DCC: variants seen among roughly 807,000 people sequenced by gnomAD.
DCC encodes the protein DCC netrin 1 receptor, also known as netrin receptor DCC.
Under a neutral mutation model 172.5 loss-of-function variants are expected in DCC, and 58 were observed. The observed-to-expected ratio is 0.34, with a 90% CI of 0.27 to 0.42. The LOEUF (loss-of-function observed/expected upper bound fraction) is 0.42, where lower values mean the gene tolerates loss of function less well. DCC is among the 10% of genes least tolerant of loss of function. The probability of loss-of-function intolerance (pLI) is 1.00; values close to 1 mark genes in which losing one functional copy is unlikely to be tolerated. For missense variants in DCC, 1,740 were observed against 1,791.0 expected, an observed-to-expected ratio of 0.97 and a Z score of 0.51; for synonymous variants, 709 against 644.5, an observed-to-expected ratio of 1.10 and a Z score of -1.52.
At chr18:52,617,799 G>A (rs948451892) in intron 1 of DCC, among the ~76,000 whole-genome samples, 1 of 152,022 alleles carries the variant, frequency 6.6e-6, no homozygotes, top group Non-Finnish European at 1.5e-5. Flanking sequence ...TAGTTTATCA[G>A]TGAAGCATGA....
intron 12 of DCC, among the ~76,000 whole-genome samples, chr18:53,248,223 C>G (rs937257827): frequency 1.3e-5 from 2 of 152,000 alleles, no homozygotes; most frequent in Non-Finnish European, 2.9e-5. Flanking sequence ...TCCCCCATCT[C>G]TTTATGTATA....
chr18:53,356,813 G>A (rs1313742187), intron 15 of DCC, among the ~76,000 whole-genome samples: 6 of 152,180 alleles, frequency 3.9e-5, no homozygotes, highest in Non-Finnish European at 1.5e-5. Context: ...GCTGCTTTAA[G>A]TCACATCAGA....
intron 11 of DCC, among the ~76,000 whole-genome samples, chr18:53,210,706 A>G (rs1468342692): frequency 6.6e-6 from 1 of 152,182 alleles, no homozygotes; most frequent in Non-Finnish European, 1.5e-5. Context: ...TCATATCAGG[A>G]GTCTTACCAT....
chr18:53,145,744 G>C (rs1323534715), intron 7 of DCC, among the ~76,000 whole-genome samples: 1 of 152,098 alleles, frequency 6.6e-6, no homozygotes, highest in Non-Finnish European at 1.5e-5. Context: ...TTTTCAACTA[G>C]AAAACAAGGG....
intron 12 of DCC, among the ~76,000 whole-genome samples, chr18:53,283,868 AAGAC>A (rs2056902828): frequency 6.6e-6 from 1 of 151,490 alleles, no homozygotes; most frequent in Admixed American, 6.6e-5. Context: ...TGCTTCATAA[AAGAC>A]AGCAGCAAAG....
At chr18:52,479,570 A>T (rs1430366454) in intron 1 of DCC, among the ~76,000 whole-genome samples, 5 of 66,178 alleles carry the variant, frequency 7.6e-5, no homozygotes, top group East Asian at 5.3e-4. Flanking sequence ...CTCACTCCCT[A>T]CCTCCCTCCA....
At chr18:53,272,795 G>A (rs2056763372) in intron 12 of DCC, among the ~76,000 whole-genome samples, 1 of 152,062 alleles carries the variant, frequency 6.6e-6, no homozygotes, top group African/African-American at 2.4e-5. Context: ...TTTTTCCTTA[G>A]AAAACAAGCT....
chr18:52,945,508 C>T (rs755599105), intron 5 of DCC, among the ~76,000 whole-genome samples: 5 of 152,196 alleles, frequency 3.3e-5, no homozygotes, highest in Admixed American at 6.5e-5. Context: ...GGGCATTAGA[C>T]ATTTTCATTA....
At chr18:52,930,008 C>G (rs895312579) in intron 5 of DCC, among the ~76,000 whole-genome samples, 5 of 152,040 alleles carry the variant, frequency 3.3e-5, no homozygotes, top group African/African-American at 1.2e-4. Flanking sequence ...CTTTTTGAGA[C>G]AGGGTCTTGC....
In DCC at chr18:53,203,201, T is replaced by TTGTGTGTG. The variant is rs66474118; in HGVS notation, c.1574-1988_1574-1981dup. ...TTATTCTGATGATATATAGATTCTCTTGTGTGTGTGTGTGTGTGTGTGTGT... is the reference window on the plus strand; with the variant it reads ...TTATTCTGATGATATATAGATTCTCTTGTGTGTGTGTGTGTGTGTGTGTGTGTGTGTGT... On this transcript the variant is annotated intron_variant, in intron 9 of 28. Transcript: ENST00000442544. 3.2e-3 allele frequency among the ~76,000 whole-genome samples: 405 copies of TTGTGTGTG among 125,328 alleles called. 2 individuals carry two copies. Among genetic ancestry groups the TTGTGTGTG allele is most frequent in the African/African-American group, 0.011 (393 of 35,164 alleles). The allele number at this position is 125,328 out of a possible 152,430, so 82.2% of individuals were successfully genotyped here.
chr18:53,263,279 G>A (rs1033466843), intron 12 of DCC, among the ~76,000 whole-genome samples: 2 of 152,010 alleles, frequency 1.3e-5, no homozygotes, highest in Admixed American at 1.3e-4. Flanking sequence ...AGCCTCCGGA[G>A]TAGCCGGGAT....
intron 5 of DCC, among the ~76,000 whole-genome samples, chr18:53,038,335 G>A (rs778512179): frequency 6.6e-5 from 10 of 151,872 alleles, no homozygotes; most frequent in Non-Finnish European, 1.3e-4. Context: ...TATCATAAAC[G>A]GAGTGGCTTA....
intron 7 of DCC, among the ~76,000 whole-genome samples, chr18:53,148,708 A>G (rs989583035): frequency 6.6e-6 from 1 of 152,120 alleles, no homozygotes; most frequent in Non-Finnish European, 1.5e-5. Flanking sequence ...CAATTTTTTA[A>G]AAAGAAAATG....
At chr18:52,427,820 CTT>C (rs1987483483) in intron 1 of DCC, among the ~76,000 whole-genome samples, 1 of 91,228 alleles carries the variant, frequency 1.1e-5, no homozygotes, top group African/African-American at 4.2e-5. Context: ...TCCTTTCTTC[CTT>C]CCTTCCTTCC....
intron 26 of DCC, among the ~76,000 whole-genome samples, chr18:53,487,980 T>G (rs1434552033): frequency 6.6e-6 from 1 of 152,298 alleles, no homozygotes; most frequent in Middle Eastern, 3.4e-3. Flanking sequence ...AGCCCACAAG[T>G]GCCTTCTTCA....
At chr18:53,275,373 T>C (rs989864932) in intron 12 of DCC, among the ~76,000 whole-genome samples, 3 of 152,128 alleles carry the variant, frequency 2.0e-5, no homozygotes, top group African/African-American at 7.2e-5. Flanking sequence ...GATAAAATTA[T>C]ACTGACCTTT....
intron 2 of DCC, among the ~76,000 whole-genome samples, chr18:52,763,511 GC>G (rs1334098697): frequency 6.6e-6 from 1 of 152,186 alleles, no homozygotes; most frequent in Non-Finnish European, 1.5e-5. Context: ...TTATGTCCCA[GC>G]CCAGGAGTGG....
At chr18:52,655,927 C>A (rs2035234029) in intron 1 of DCC, among the ~76,000 whole-genome samples, 1 of 150,856 alleles carries the variant, frequency 6.6e-6, no homozygotes, top group African/African-American at 2.4e-5. Flanking sequence ...AGCAGACATC[C>A]CCCCGCCTGC....
chr18:53,448,994 A>T (rs1453752920), intron 22 of DCC, among the ~76,000 whole-genome samples: 1 of 152,162 alleles, frequency 6.6e-6, no homozygotes, highest in Non-Finnish European at 1.5e-5. Context: ...AGGTGCTGAG[A>T]TGGTTGTTTT....
Sources: gnomAD v4.1 joint callset for allele counts (sites outside exome capture counted in the v4.1 genomes callset) on GRCh38, gnomAD v4.1.1 for gene constraint, MANE v1.5 for transcripts, NCBI Gene and HGNC (gene_info 2026-07-23, HGNC 2026-07-21) for gene names.